TMX1: variants seen among roughly 807,000 people sequenced by gnomAD.
TMX1 encodes the protein thioredoxin related transmembrane protein 1.
Under a neutral mutation model 36.6 loss-of-function variants are expected in TMX1, and 25 were observed. The ratio of observed to expected loss-of-function variants is 0.68; its 90% CI spans 0.50 to 0.95. The LOEUF (loss-of-function observed/expected upper bound fraction) is 0.95. Among genes scored for constraint, TMX1 ranks in the 40% least tolerant of loss-of-function variants. The pLI is 0.00. For missense variants in TMX1, 347 were observed against 339.6 expected, an observed-to-expected ratio of 1.02 and a Z score of -0.17; for synonymous variants, 133 against 118.0, an observed-to-expected ratio of 1.13 and a Z score of -0.82.
rs529646997 is a variant in TMX1 at position 51,257,194 on chromosome 14, A to G, written c.*2675A>G. On this transcript the variant is annotated 3_prime_UTR_variant, in exon 8 of 8. Transcript: ENST00000457354. ...ATGCTATTCATAAATAACCATAATTATTCAGTATTTGCAGTCTCGTGATGT... is the reference window on the plus strand; with the variant it reads ...ATGCTATTCATAAATAACCATAATTGTTCAGTATTTGCAGTCTCGTGATGT... 4.6e-5 allele frequency: 7 copies of G among 152,208 alleles called. No individual in the cohort carries two copies. Among genetic ancestry groups the G allele is most frequent in the Admixed American group, 6.5e-5 (1 of 15,284 alleles). 9.4% of individuals were successfully genotyped at this position (152,208 alleles called of 1,614,324 possible).
intron 7 of TMX1, among the ~76,000 whole-genome samples, chr14:51,251,737 C>T (rs558263520): frequency 1.3e-5 from 2 of 152,212 alleles, no homozygotes; most frequent in South Asian, 2.1e-4. Context: ...GAGACTTGCC[C>T]GAAGAACTTG....
chr14:51,248,931 CT>C (rs1203787933), intron 4 of TMX1, among the ~76,000 whole-genome samples: 25 of 152,226 alleles, frequency 1.6e-4, no homozygotes, highest in African/African-American at 5.8e-4. Flanking sequence ...GTTTCCAGTC[CT>C]TACTTTAGCC....
At chr14:51,249,190 A>T (rs2065799700) in intron 4 of TMX1, 136 bp from the exon 5 acceptor site, 1 of 625,878 alleles carries the variant, frequency 1.6e-6, no homozygotes. Context: ...ACAGGCATGA[A>T]ATCAGTGATG....
intron 1 of TMX1, among the ~76,000 whole-genome samples, chr14:51,240,932 C>CT (rs1313119918): frequency 5.3e-5 from 8 of 152,036 alleles, no homozygotes; most frequent in Admixed American, 6.6e-5. Flanking sequence ...CGCTTTTAAG[C>CT]TTTTTTTAAT....
rs761936525 is a variant in TMX1 at position 51,240,403 on chromosome 14, G to C, written c.111G>C (p.Glu37Asp). The C allele has an allele frequency of 3.7e-6, 6 of 1,614,054 alleles. No individual in the cohort carries two copies. Among genetic ancestry groups the C allele is most frequent in the Non-Finnish European group, 5.1e-6 (6 of 1,180,026 alleles). The change falls in exon 1 of 8, where the codon GAG becomes GAC. Residue 37 changes from glutamate (E) to aspartate (D), a missense_variant. Transcript: ENST00000457354. ...GCAACGTTCGCGTCATCACGGACGA[G>C]AACTGGAGAGAACTGCTGGAAGGAG... The part of the protein sequence containing the change: ...RRSNVRVITD[E>D]NWRELLEGDW...
intron 3 of TMX1, 143 bp from the exon 4 acceptor site, chr14:51,246,949 A>G: frequency 1.6e-6 from 1 of 609,846 alleles, no homozygotes; most frequent in Non-Finnish European, 2.5e-6. Context: ...GAGTAGGTAA[A>G]TAGTATAATT....
chr14:51,257,177 CATAA>C lies in TMX1; in HGVS notation c.*2663_*2666del, dbSNP rs1428304061. 6.6e-6 allele frequency: 1 copy of C among 152,136 alleles called. No homozygotes were observed. Among genetic ancestry groups the C allele is most frequent in the Non-Finnish European group, 1.5e-5 (1 of 68,034 alleles). The allele number at this position is 152,136 out of a possible 1,614,324, so 9.4% of individuals were successfully genotyped here. ...AATGTAGGAGTGAATAAATGCTATT[CATAA>C]ATAACCATAATTATTCAGTATTTGC... On this transcript the variant is annotated 3_prime_UTR_variant, in exon 8 of 8. Transcript: ENST00000457354.
At chr14:51,247,308 GT>G in intron 4 of TMX1, 88 bp downstream of exon 4, 2 of 1,231,414 alleles carry the variant, frequency 1.6e-6, no homozygotes, top group Non-Finnish European at 2.1e-6. Flanking sequence ...TACTCAGTTT[GT>G]TTCTTGAGCT....
In TMX1 at chr14:51,247,236, T is replaced by C; in HGVS notation, c.443+16T>C. On this transcript the variant is annotated intron_variant, in intron 4 of 7. Coordinates refer to ENST00000457354, the MANE Select transcript of TMX1 (RefSeq NM_030755.5). ...GTTCTGTTCTGTAAGTATGAGGGCT[T>C]TTTCTCTTACCCATTTCATAATTAA... is the stretch of plus-strand genomic sequence containing the variant. 1.2e-6 allele frequency: 2 copies of C among 1,601,584 alleles called. No individual in the cohort carries two copies. Among genetic ancestry groups the C allele is most frequent in the Non-Finnish European group, 1.7e-6 (2 of 1,176,164 alleles).
At chr14:51,250,649 G>A (rs113653011) in intron 7 of TMX1, among the ~76,000 whole-genome samples, 2,955 of 152,168 alleles carry the variant, frequency 0.019, 101 homozygotes, top group African/African-American at 0.067. Context: ...CCACCACCAC[G>A]CCCGGCTAAT....
At chr14:51,242,278 A>T (rs774033480) in intron 1 of TMX1, among the ~76,000 whole-genome samples, 1 of 152,218 alleles carries the variant, frequency 6.6e-6, no homozygotes, top group African/African-American at 2.4e-5. Flanking sequence ...AGTCATCATC[A>T]TGAGTAACTT....
intron 1 of TMX1, 74 bp from the exon 2 acceptor site, chr14:51,243,782 A>T (rs922885611): frequency 1.0e-5 from 10 of 958,202 alleles, no homozygotes; most frequent in African/African-American, 4.3e-5. Flanking sequence ...TTATACATTT[A>T]AATTTTTTAT....
At chr14:51,250,601 C>T (rs2065807056) in intron 7 of TMX1, among the ~76,000 whole-genome samples, 1 of 152,220 alleles carries the variant, frequency 6.6e-6, no homozygotes, top group Admixed American at 6.5e-5. Context: ...ATGCTATTCT[C>T]CTGCCTTGCC....
intron 4 of TMX1, among the ~76,000 whole-genome samples, chr14:51,248,825 C>T (rs1378000855): frequency 6.6e-6 from 1 of 152,082 alleles, no homozygotes; most frequent in African/African-American, 2.4e-5. Context: ...TTTTGTATAT[C>T]ATTAAAAGAT....
Position 51,256,367 on chromosome 14 carries a change from G to C in TMX1, c.*1848G>C, listed in dbSNP as rs190556412. On this transcript the variant is annotated 3_prime_UTR_variant, in exon 8 of 8. Transcript: ENST00000457354. ...CCTGTACTATAGAAAATGTAAAGTT[G>C]GCTGAACAGATAGGGTCTTGAAATT... The C allele has an allele frequency of 6.6e-6, 1 of 152,004 alleles. No individual in the cohort carries two copies. Among genetic ancestry groups the C allele is most frequent in the African/African-American group, 2.4e-5 (1 of 41,378 alleles). 9.4% of individuals were successfully genotyped at this position (152,004 alleles called of 1,614,324 possible).
chr14:51,247,257 A>G (rs925894286), intron 4 of TMX1, 37 bp downstream of exon 4: 12 of 1,587,866 alleles, frequency 7.6e-6, no homozygotes, highest in East Asian at 4.5e-5. Flanking sequence ...CCATTTCATA[A>G]TTAATTGGAA....
rs747519011 is a variant in TMX1, at chr14:51,245,324, C to T, written c.280C>T (p.Arg94Trp). 6 of 1,613,804 alleles carry T rather than the reference C, an allele frequency of 3.7e-6. No homozygotes were observed. Among genetic ancestry groups the T allele is most frequent in the Admixed American group, 1.7e-5 (1 of 60,012 alleles). The change falls in exon 3 of 8, where the codon CGG becomes TGG. Residue 94 changes from arginine (R) to tryptophan (W), a missense_variant. Coordinates refer to ENST00000457354, the MANE Select transcript of TMX1 (RefSeq NM_030755.5). Reference sequence around the variant, plus strand: ...TTCTTTATTTGTAGGACTGAGTGGACGGTTTATCATAACTGCTCTTCCTAC... The same window carrying T: ...TTCTTTATTTGTAGGACTGAGTGGATGGTTTATCATAACTGCTCTTCCTAC... ...DVTEQPGLSG[R>W]FIITALPTIY...
At chr14:51,250,083 C>CT (rs1424191441) in intron 7 of TMX1, among the ~76,000 whole-genome samples, 1 of 152,128 alleles carries the variant, frequency 6.6e-6, no homozygotes, top group Non-Finnish European at 1.5e-5. Context: ...CTCTTGAAGT[C>CT]TTTCATTAGT....
intron 7 of TMX1, among the ~76,000 whole-genome samples, chr14:51,251,640 T>C (rs2065814243): frequency 6.6e-6 from 1 of 152,188 alleles, no homozygotes; most frequent in Non-Finnish European, 1.5e-5. Context: ...GAGTTTACTT[T>C]GGGAGTCTGC....
Sources: allele counts gnomAD v4.1 joint callset (sites outside exome capture counted in the v4.1 genomes callset), GRCh38; gene constraint gnomAD v4.1.1; transcripts MANE v1.5; gene names NCBI Gene and HGNC (gene_info 2026-07-23, HGNC 2026-07-21).